Variants in FGF12 observed in about 807,000 individuals in gnomAD.
The protein encoded by FGF12 is fibroblast growth factor 12B.
FGF12 carries 14 observed loss-of-function variants against 23.6 expected under a neutral mutation model. The ratio of observed to expected loss-of-function variants is 0.59; its 90% CI spans 0.39 to 0.93. The LOEUF is 0.93. FGF12 is among the 40% of genes least tolerant of loss of function. The pLI is 0.00. For synonymous variants in FGF12, 62 were observed against 77.3 expected (o/e 0.80, Z 1.04); for missense variants, 175 against 217.8 (o/e 0.80, Z 1.24).
chr3:192,567,741 C>CTTTCTTTCTT (rs2108600386), intron 2 of FGF12, among the ~76,000 whole-genome samples: 1 of 81,182 alleles, frequency 1.2e-5, no homozygotes, highest in African/African-American at 4.9e-5. Context: ...GTGTCTCTTT[C>CTTTCTTTCTT]TTTCTTTCTT....
chr3:192,399,586 TA>T (rs938365785), intron 2 of FGF12, among the ~76,000 whole-genome samples: 1 of 152,206 alleles, frequency 6.6e-6, no homozygotes, highest in African/African-American at 2.4e-5. Flanking sequence ...ACAAAATCAT[TA>T]ATTTTGTTTA....
At chr3:192,261,163 G>A (rs1219884474) in intron 4 of FGF12, among the ~76,000 whole-genome samples, 1 of 152,060 alleles carries the variant, frequency 6.6e-6, no homozygotes, top group Admixed American at 6.6e-5. Context: ...AGAGAATCCA[G>A]CAAGGAATCT....
intron 2 of FGF12, among the ~76,000 whole-genome samples, chr3:192,697,618 T>C (rs1263402841): frequency 1.3e-5 from 2 of 151,844 alleles, no homozygotes; most frequent in African/African-American, 4.9e-5. Context: ...CCCAGGAGTG[T>C]TGCCTTGCAT....
intron 2 of FGF12, among the ~76,000 whole-genome samples, chr3:192,398,432 C>A (rs1720620393): frequency 1.3e-5 from 2 of 149,416 alleles, no homozygotes; most frequent in Non-Finnish European, 3.0e-5. Flanking sequence ...GTCACCCAGA[C>A]TGGAGTGCAG....
At chr3:192,175,300 A>G (rs1265089189) in intron 4 of FGF12, among the ~76,000 whole-genome samples, 1 of 152,184 alleles carries the variant, frequency 6.6e-6, no homozygotes, top group East Asian at 1.9e-4. Context: ...TTTCTTTCGT[A>G]AGACTAACCA....
chr3:192,158,411 CTTT>C, intron 5 of FGF12, among the ~76,000 whole-genome samples: 1 of 5,016 alleles, frequency 2.0e-4, no homozygotes, highest in Non-Finnish European at 3.4e-4. Context: ...CTTTTTCTTT[CTTT>C]CTCTTTCTTT....
chr3:192,143,725 C>A lies in FGF12; in HGVS notation c.*284G>T, dbSNP rs1713535742. 3 of 304,678 alleles carry A rather than the reference C, an allele frequency of 9.8e-6. No homozygotes were observed. Among genetic ancestry groups the A allele is most frequent in the Admixed American group, 4.9e-5 (1 of 20,366 alleles). The allele number at this position is 304,678 out of a possible 1,614,324, so 18.9% of individuals were successfully genotyped here. Reference sequence around the variant, plus strand: ...AATTAGCCTTCTACTAATAACAATACAGTTTAATTTAATATTTATGGAGTT... The same window carrying A: ...AATTAGCCTTCTACTAATAACAATAAAGTTTAATTTAATATTTATGGAGTT... On this transcript the variant is annotated 3_prime_UTR_variant, in exon 6 of 6. Transcript: ENST00000445105.
chr3:192,530,790 G>C (rs150310444), intron 2 of FGF12, among the ~76,000 whole-genome samples: 1 of 151,984 alleles, frequency 6.6e-6, no homozygotes, highest in Non-Finnish European at 1.5e-5. Flanking sequence ...ACATTAAAAG[G>C]GTAAATTTTA....
At chr3:192,640,739 G>A (rs1040859422) in intron 2 of FGF12, among the ~76,000 whole-genome samples, 1 of 152,078 alleles carries the variant, frequency 6.6e-6, no homozygotes, top group African/African-American at 2.4e-5. Context: ...GTGACCCATG[G>A]GCCAATTTTG....
chr3:192,507,840 G>A (rs1434897694), intron 2 of FGF12, among the ~76,000 whole-genome samples: 1 of 152,146 alleles, frequency 6.6e-6, no homozygotes. Flanking sequence ...ATTAGTTGGG[G>A]TAAAAGGATC....
At chr3:192,422,914 T>C (rs903037452) in intron 2 of FGF12, among the ~76,000 whole-genome samples, 1 of 152,150 alleles carries the variant, frequency 6.6e-6, no homozygotes, top group Non-Finnish European at 1.5e-5. Flanking sequence ...TTGTTCTATA[T>C]GCAAAGAAAA....
At chr3:192,654,795 C>T (rs775363139) in intron 2 of FGF12, among the ~76,000 whole-genome samples, 13 of 152,062 alleles carry the variant, frequency 8.5e-5, no homozygotes, top group Non-Finnish European at 1.9e-4. Flanking sequence ...TTATGGTTTT[C>T]GTATATTCAA....
chr3:192,215,780 A>G (rs1718164336), intron 4 of FGF12, among the ~76,000 whole-genome samples: 1 of 152,208 alleles, frequency 6.6e-6, no homozygotes, highest in South Asian at 2.1e-4. Context: ...GTAGACATAT[A>G]AAACAAAGCC....
intron 2 of FGF12, among the ~76,000 whole-genome samples, chr3:192,492,913 T>A (rs1723840916): frequency 6.6e-6 from 1 of 151,496 alleles, no homozygotes; most frequent in South Asian, 2.1e-4. Context: ...CCCAAGTAGC[T>A]GGGACCACAG....
chr3:192,675,603 G>T (rs1717301822), intron 2 of FGF12, among the ~76,000 whole-genome samples: 1 of 152,030 alleles, frequency 6.6e-6, no homozygotes, highest in Admixed American at 6.5e-5. Context: ...GCAGAATACA[G>T]GTTTTTATGC....
At chr3:192,460,031 A>G (rs972059368) in intron 2 of FGF12, among the ~76,000 whole-genome samples, 1 of 152,174 alleles carries the variant, frequency 6.6e-6, no homozygotes, top group African/African-American at 2.4e-5. Context: ...ATGAACAGAC[A>G]TAAGTACATT....
intron 4 of FGF12, among the ~76,000 whole-genome samples, chr3:192,309,878 C>G (rs1715845720): frequency 6.6e-6 from 1 of 152,158 alleles, no homozygotes; most frequent in Non-Finnish European, 1.5e-5. Flanking sequence ...AATCTTTCAT[C>G]CTTCTTAAAA....
chr3:192,479,397 G>A (rs1396118529), intron 2 of FGF12, among the ~76,000 whole-genome samples: 13 of 152,144 alleles, frequency 8.5e-5, no homozygotes, highest in Non-Finnish European at 1.9e-4. Flanking sequence ...ATCACCCAGT[G>A]AAAGTCACAT....
chr3:192,561,500 C>T (rs954791998), intron 2 of FGF12, among the ~76,000 whole-genome samples: 40 of 152,080 alleles, frequency 2.6e-4, no homozygotes, highest in African/African-American at 8.9e-4. Context: ...GTAGCTGGGA[C>T]TACAGGCACC....
Sources: gnomAD v4.1 joint callset for allele counts (sites outside exome capture counted in the v4.1 genomes callset) on GRCh38, gnomAD v4.1.1 for gene constraint, MANE v1.5 for transcripts, NCBI Gene and HGNC (gene_info 2026-07-23, HGNC 2026-07-21) for gene names.